The following DGKG variants were observed in gnomAD, a reference collection of about 807,000 sequenced individuals.
DGKG encodes the protein DAG kinase gamma.
Under a neutral mutation model 105.3 loss-of-function variants are expected in DGKG, and 78 were observed. That is an observed-to-expected ratio of 0.74 (90% CI 0.62 to 0.89). The LOEUF is 0.89. Ranked by LOEUF, DGKG falls within the 40% of genes least tolerant of loss-of-function variation. The probability of loss-of-function intolerance (pLI) is 0.00; values close to 1 mark genes in which losing one functional copy is unlikely to be tolerated. For synonymous variants in DGKG, 346 were observed against 367.1 expected (o/e 0.94, Z 0.66); for missense variants, 958 against 1,020.1 (o/e 0.94, Z 0.83).
At chr3:186,265,028 C>A (rs1721975048) in intron 14 of DGKG, among the ~76,000 whole-genome samples, 1 of 152,206 alleles carries the variant, frequency 6.6e-6, no homozygotes, top group East Asian at 1.9e-4. Flanking sequence ...ATAAGACCAG[C>A]AATGGGATCA....
intron 1 of DGKG, among the ~76,000 whole-genome samples, chr3:186,348,974 A>G (rs955794895): frequency 6.6e-6 from 1 of 151,582 alleles, no homozygotes; most frequent in African/African-American, 2.4e-5. Flanking sequence ...ATGTCAGGAA[A>G]TTTTTTTTTA....
In DGKG at chr3:186,149,831, A is replaced by T; in HGVS notation, c.*259T>A. ...GAATGTGGAGGTTGCTGCCTAAGCCAGCCACAACCTCATGGGCCCTAAGTC... is the reference window on the plus strand; with the variant it reads ...GAATGTGGAGGTTGCTGCCTAAGCCTGCCACAACCTCATGGGCCCTAAGTC... On this transcript the variant is annotated 3_prime_UTR_variant, in exon 25 of 25. Transcript: ENST00000265022. 8.4e-7 allele frequency: 1 copy of T among 1,183,996 alleles called. No individual in the cohort carries two copies. Among genetic ancestry groups the T allele is most frequent in the Non-Finnish European group, 1.0e-6 (1 of 954,866 alleles). 73.3% of individuals were successfully genotyped at this position (1,183,996 alleles called of 1,614,324 possible). A position where few individuals can be genotyped will look rare whatever the true frequency, so the allele number is the denominator to read the frequency against.
Position 186,342,333 on chromosome 3 carries a change from G to A in DGKG, c.-249+19613C>T, listed in dbSNP as rs144015214. On this transcript the variant is annotated intron_variant, in intron 1 of 24. Transcript: ENST00000265022. ...AGTTCATTATGAGCATTTTCTACAGGCCGCTTGGCCACAGGAAGAAATGGA... is the reference window on the plus strand; with the variant it reads ...AGTTCATTATGAGCATTTTCTACAGACCGCTTGGCCACAGGAAGAAATGGA... Among the ~76,000 whole-genome samples, 345 of 152,264 alleles carry A rather than the reference G, an allele frequency of 2.3e-3. 1 individual carries two copies. The highest frequency in any genetic ancestry group is 8.0e-3 in the African/African-American group (334 of 41,546).
At chr3:186,281,877 C>G (rs542887424) in intron 7 of DGKG, among the ~76,000 whole-genome samples, 1 of 152,156 alleles carries the variant, frequency 6.6e-6, no homozygotes, top group African/African-American at 2.4e-5. Context: ...CCCCTGAGGT[C>G]TTCCTGGTCA....
intron 7 of DGKG, among the ~76,000 whole-genome samples, chr3:186,281,557 A>T (rs1362883053): frequency 6.6e-6 from 1 of 152,192 alleles, no homozygotes; most frequent in Non-Finnish European, 1.5e-5. Flanking sequence ...CAAAAGTGTT[A>T]CCTCTGCCAG....
At position 186,320,633 on chromosome 3, in the gene DGKG, G is replaced by T; in HGVS notation, c.-174C>A. On this transcript the variant is annotated 5_prime_UTR_variant, in exon 2 of 25. Transcript: ENST00000265022. The stretch of plus-strand genomic sequence containing the variant: ...GCAGCAGGCACCTCTCAGAAGATGA[G>T]ACAAGATCTCTGCTATTCCTTAGGC... 3 of 1,062,696 alleles carry T rather than the reference G, an allele frequency of 2.8e-6. No homozygotes were observed. The highest frequency in any genetic ancestry group is 2.6e-6 in the Non-Finnish European group (2 of 765,172). 65.8% of individuals were successfully genotyped at this position (1,062,696 alleles called of 1,614,324 possible). A position where few individuals can be genotyped will look rare whatever the true frequency, so the allele number is the denominator to read the frequency against.
chr3:186,307,018 C>G, intron 2 of DGKG, 41 bp from the exon 3 acceptor site: 1 of 1,369,204 alleles, frequency 7.3e-7, no homozygotes, highest in Non-Finnish European at 1.0e-6. Context: ...TGGCAAATAG[C>G]TAATGGAAGC....
chr3:186,150,272 C>G, intron 24 of DGKG, 84 bp from the exon 25 acceptor site: 7 of 1,496,790 alleles, frequency 4.7e-6, no homozygotes, highest in African/African-American at 1.4e-5. Flanking sequence ...AAAGGAAAGG[C>G]CAGCTTCAGG....
At chr3:186,357,281 T>G (rs1243327001) in intron 1 of DGKG, among the ~76,000 whole-genome samples, 1 of 152,168 alleles carries the variant, frequency 6.6e-6, no homozygotes, top group Non-Finnish European at 1.5e-5. Flanking sequence ...GAGTCATAAA[T>G]TATACCCATT....
At chr3:186,350,154 T>C (rs142801294) in intron 1 of DGKG, among the ~76,000 whole-genome samples, 2,357 of 152,214 alleles carry the variant, frequency 0.015, 57 homozygotes, top group African/African-American at 0.054. Context: ...CCTCCAAAAG[T>C]GCTGGGATTA....
rs147302530 is a variant in DGKG at position 186,333,695 on chromosome 3, C to T, written c.-248-12988G>A. Among the ~76,000 whole-genome samples, 3 of 152,260 alleles carry T rather than the reference C, an allele frequency of 2.0e-5. No individual in the cohort carries two copies. In the East Asian group the frequency reaches 5.8e-4, roughly 29 times the overall value. On this transcript the variant is annotated intron_variant, in intron 1 of 24. Coordinates refer to ENST00000265022, the MANE Select transcript of DGKG (RefSeq NM_001346.3). ...AAAATCCAAGAAGGTAAGAAAATGACAGCTCCATTAAGGCTAGCAGCTCAT... is the reference window on the plus strand; with the variant it reads ...AAAATCCAAGAAGGTAAGAAAATGATAGCTCCATTAAGGCTAGCAGCTCAT...
At chr3:186,306,730 C>T in intron 3 of DGKG, 171 bp downstream of exon 3, 1 of 600,852 alleles carries the variant, frequency 1.7e-6, no homozygotes, top group South Asian at 2.0e-5. Context: ...AGTGTATGGG[C>T]TTGGGAAACA....
chr3:186,269,053 G>A, intron 11 of DGKG, 136 bp from the exon 12 acceptor site: 1 of 638,604 alleles, frequency 1.6e-6, no homozygotes, highest in Non-Finnish European at 2.8e-6. Flanking sequence ...ATGCTTATTG[G>A]ATGTTGGGTG....
In DGKG at chr3:186,203,949, T is replaced by C. The variant is rs1336551628; in HGVS notation, c.1917+7846A>G. ...AGAGACCAAGACTTGAAGACCTCTT[T>C]CCCTCTAGTTTAAGAGTGTGCAGCA... On this transcript the variant is annotated intron_variant, in intron 21 of 24. Transcript: ENST00000265022. The surrounding 1 kb of genome is among the most constrained non-coding windows in gnomAD (Gnocchi z 4.9). Among the ~76,000 whole-genome samples the C allele has an allele frequency of 6.6e-6, 1 of 152,130 alleles. No homozygotes were observed. Among genetic ancestry groups the C allele is most frequent in the African/African-American group, 2.4e-5 (1 of 41,424 alleles).
At chr3:186,281,288 A>G (rs2284837) in intron 7 of DGKG, 36,784 of 152,732 alleles carry the variant, frequency 0.24, 4,626 homozygotes, top group South Asian at 0.32. Context: ...CCCTTAGCCC[A>G]GCCCCCAGGA....
At chr3:186,257,622 A>C in intron 17 of DGKG, 120 of 412,862 alleles carry the variant, frequency 2.9e-4, no homozygotes, top group East Asian at 6.6e-4. Context: ...CTTTACAGGA[A>C]AGGCCTGAAA....
At chr3:186,230,310 G>A (rs565777740) in intron 20 of DGKG, among the ~76,000 whole-genome samples, 1 of 152,300 alleles carries the variant, frequency 6.6e-6, no homozygotes, top group East Asian at 1.9e-4. Context: ...CAAAACATTG[G>A]AGATGGAGTG....
At chr3:186,253,879 C>T (rs1358813908) in intron 17 of DGKG, among the ~76,000 whole-genome samples, 1 of 152,188 alleles carries the variant, frequency 6.6e-6, no homozygotes, top group African/African-American at 2.4e-5. Flanking sequence ...CTGTTCACCA[C>T]TCGAGTTTAA....
intron 11 of DGKG, among the ~76,000 whole-genome samples, chr3:186,270,608 A>G (rs1722270657): frequency 6.6e-6 from 1 of 152,224 alleles, no homozygotes; most frequent in Non-Finnish European, 1.5e-5. Flanking sequence ...TGTCATCTAC[A>G]TGGCCACAAT....
Sources: allele counts gnomAD v4.1 joint callset (sites outside exome capture counted in the v4.1 genomes callset), GRCh38; gene constraint gnomAD v4.1.1; non-coding constraint Gnocchi (gnomAD v3.1); transcripts MANE v1.5; gene names NCBI Gene and HGNC (gene_info 2026-07-23, HGNC 2026-07-21).